The following MAPDA variants were observed in gnomAD, a reference collection of about 807,000 sequenced individuals.
MAPDA encodes the protein N6-Methyl-AMP deaminase, also known as N6,N6-dimethyl-AMP deaminase.
chr15:43,344,979 A>T, the MAPDA span, among the ~76,000 whole-genome samples: 1 of 152,114 alleles, frequency 6.6e-6, no homozygotes, highest in Non-Finnish European at 1.5e-5. Flanking sequence ...CCCTCCTAAG[A>T]ACACACCACC....
At chr15:43,345,407 A>G in the MAPDA span, among the ~76,000 whole-genome samples, 11 of 152,134 alleles carry the variant, frequency 7.2e-5, no homozygotes, top group African/African-American at 2.4e-4. Flanking sequence ...GATACAATCA[A>G]CAAAATCCAG....
At chr15:43,349,239 G>A in the MAPDA span, 9 of 1,338,062 alleles carry the variant, frequency 6.7e-6, 1 homozygote, top group South Asian at 1.8e-4. Flanking sequence ...AGCTCTATGA[G>A]AGCAGGGCCC....
the MAPDA span, chr15:43,346,880 T>C: frequency 2.9e-6 from 2 of 691,536 alleles, no homozygotes; most frequent in Non-Finnish European, 2.5e-6. Flanking sequence ...TGTAGGTGCT[T>C]TATAAACAAG....
the MAPDA span, among the ~76,000 whole-genome samples, chr15:43,341,257 ATCT>A: frequency 6.6e-6 from 1 of 152,238 alleles, no homozygotes; most frequent in South Asian, 2.1e-4. Context: ...GAAGGCTCTC[ATCT>A]TGCATTTTTG....
At chr15:43,335,022 A>G in the MAPDA span, 2 of 1,360,226 alleles carry the variant, frequency 1.5e-6, no homozygotes, top group Non-Finnish European at 2.1e-6. Context: ...AAGGAAATTC[A>G]GTACCATACA....
the MAPDA span, among the ~76,000 whole-genome samples, chr15:43,350,299 C>T: frequency 3.3e-5 from 5 of 149,788 alleles, no homozygotes; most frequent in Admixed American, 6.7e-5. Context: ...AGGATGGTCT[C>T]GATCTCCTGA....
At chr15:43,351,333 CAA>C in the MAPDA span, 669 of 231,996 alleles carry the variant, frequency 2.9e-3, no homozygotes, top group South Asian at 5.7e-3. Context: ...TCTCACAAAG[CAA>C]AAAAAAAAAG....
chr15:43,341,257 A>G, the MAPDA span, among the ~76,000 whole-genome samples: 1 of 152,238 alleles, frequency 6.6e-6, no homozygotes, highest in African/African-American at 2.4e-5. Context: ...GAAGGCTCTC[A>G]TCTTGCATTT....
chr15:43,351,886 A>T, the MAPDA span: 12 of 1,551,604 alleles, frequency 7.7e-6, 1 homozygote, highest in African/African-American at 1.4e-4. Flanking sequence ...TTCTGACAGC[A>T]CCAGATCTGA....
chr15:43,334,651 A>ATATATAT, the MAPDA span, among the ~76,000 whole-genome samples: 5 of 123,834 alleles, frequency 4.0e-5, no homozygotes, highest in African/African-American at 1.3e-4. Context: ...ATATATATAT[A>ATATATAT]TATATATATA....
chr15:43,348,135 C>G, the MAPDA span, among the ~76,000 whole-genome samples: 1 of 152,304 alleles, frequency 6.6e-6, no homozygotes, highest in East Asian at 1.9e-4. Context: ...TAAAAATGTT[C>G]TGAGCATTTG....
At chr15:43,348,827 A>G in the MAPDA span, 1 of 1,443,966 alleles carries the variant, frequency 6.9e-7, no homozygotes. Flanking sequence ...TTAGAGGGGC[A>G]GGGTACCTAG....
the MAPDA span, among the ~76,000 whole-genome samples, chr15:43,345,631 A>G: frequency 6.6e-6 from 1 of 152,232 alleles, no homozygotes; most frequent in Non-Finnish European, 1.5e-5. Context: ...CTCGAAAGAC[A>G]ACTGTAAATC....
chr15:43,341,602 G>T, the MAPDA span, among the ~76,000 whole-genome samples: 1 of 151,886 alleles, frequency 6.6e-6, no homozygotes, highest in Non-Finnish European at 1.5e-5. Flanking sequence ...GCTTTGGGAG[G>T]CTGAGGCAGG....
At chr15:43,353,175 C>G in the MAPDA span, 1 of 151,956 alleles carries the variant, frequency 6.6e-6, no homozygotes, top group Non-Finnish European at 1.5e-5. Flanking sequence ...GTAACCCTAC[C>G]CCTACATAAT....
chr15:43,332,383 T>C, the MAPDA span: 1 of 134,726 alleles, frequency 7.4e-6, no homozygotes, highest in Non-Finnish European at 1.6e-5. Context: ...GAGGGGCAAA[T>C]AGAAAAAAAA....
At chr15:43,344,806 CAAAA>C in the MAPDA span, among the ~76,000 whole-genome samples, 2 of 90,916 alleles carry the variant, frequency 2.2e-5, no homozygotes, top group Non-Finnish European at 2.8e-5. Context: ...AATTCTGTCT[CAAAA>C]AAAAAAAAAA....
chr15:43,352,670 A>C, the MAPDA span: 1 of 152,306 alleles, frequency 6.6e-6, no homozygotes, highest in Admixed American at 6.5e-5. Flanking sequence ...ATGCTACAGC[A>C]CTCCAGCCTG....
At chr15:43,347,033 C>A in the MAPDA span, 1 of 1,613,748 alleles carries the variant, frequency 6.2e-7, no homozygotes, top group African/African-American at 1.3e-5. Context: ...AAGCAAAAGA[C>A]TTCTTGGAAC....
Sources: gnomAD v4.1 joint callset for allele counts (sites outside exome capture counted in the v4.1 genomes callset) on GRCh38, gnomAD v4.1.1 for gene constraint, MANE v1.5 for transcripts, NCBI Gene and HGNC (gene_info 2026-07-23, HGNC 2026-07-21) for gene names.